ATP2C2: variants seen among roughly 807,000 people sequenced by gnomAD.
ATP2C2 encodes the protein calcium-transporting ATPase type 2C member 2.
A neutral mutation model predicts 110.8 loss-of-function variants in ATP2C2; 171 were observed. That is an observed-to-expected ratio of 1.54 (90% confidence interval 1.36 to 1.75). The LOEUF (loss-of-function observed/expected upper bound fraction) is 1.75, where lower values mean the gene tolerates loss of function less well. Ranked by LOEUF, ATP2C2 falls within the 40% of genes most tolerant of loss-of-function variation. The probability of loss-of-function intolerance (pLI) is 0.00; values close to 1 mark genes in which losing one functional copy is unlikely to be tolerated. For synonymous variants in ATP2C2, 804 were observed against 508.4 expected (o/e 1.58, Z -7.82); for missense variants, 1,963 against 1,235.0 (o/e 1.59, Z -8.84).
chr16:84,417,916 TA>T (rs1222679635), intron 7 of ATP2C2, among the ~76,000 whole-genome samples: 1 of 152,232 alleles, frequency 6.6e-6, no homozygotes, highest in Non-Finnish European at 1.5e-5. Context: ...GTGTACATTT[TA>T]AAACCATTTT....
intron 2 of ATP2C2, 35 bp from the exon 3 acceptor site, chr16:84,405,093 C>G: frequency 6.4e-7 from 1 of 1,572,072 alleles, no homozygotes; most frequent in Non-Finnish European, 8.8e-7. Context: ...CTTGCTGCGC[C>G]CATGAGTGAG....
At chr16:84,440,479 A>G (rs1023511382) in intron 13 of ATP2C2, among the ~76,000 whole-genome samples, 3 of 152,240 alleles carry the variant, frequency 2.0e-5, no homozygotes, top group African/African-American at 7.2e-5. Flanking sequence ...TTCATGCCTC[A>G]GTGTGCCGCA....
rs577088448 is a variant in ATP2C2, at chr16:84,461,227, G to C, written c.2481+426G>C. 3.1e-5 allele frequency: 8 copies of C among 259,676 alleles called. No homozygotes were observed. The East Asian group carries it at 5.9e-4, about 19-fold the overall frequency. 16.1% of individuals were successfully genotyped at this position (259,676 alleles called of 1,614,324 possible). A position where few individuals can be genotyped will look rare whatever the true frequency, so the allele number is the denominator to read the frequency against. On this transcript the variant is annotated intron_variant, in intron 24 of 26. Transcript: ENST00000262429. ...TGCAGGTTCAGGGAGCTCTATGCCA[G>C]GACGGGCCACGATCTAGGTGGGAAA...
intron 6 of ATP2C2, among the ~76,000 whole-genome samples, chr16:84,413,348 C>T (rs12102757): frequency 0.42 from 63,248 of 151,852 alleles, 14,235 homozygotes; most frequent in Non-Finnish European, 0.52. Flanking sequence ...ATTCAAGGGG[C>T]GTGTGTGTAT....
At chr16:84,429,976 C>T (rs1908122074) in intron 11 of ATP2C2, among the ~76,000 whole-genome samples, 1 of 152,124 alleles carries the variant, frequency 6.6e-6, no homozygotes, top group African/African-American at 2.4e-5. Flanking sequence ...TATCTTGCCT[C>T]TAGTCTCTGT....
intron 1 of ATP2C2, among the ~76,000 whole-genome samples, chr16:84,385,694 A>C (rs556258128): frequency 7.9e-5 from 12 of 152,216 alleles, no homozygotes; most frequent in Admixed American, 7.2e-4. Context: ...TCATGGCGGA[A>C]GGCACCTCTT....
intron 11 of ATP2C2, among the ~76,000 whole-genome samples, chr16:84,430,344 G>A (rs894882253): frequency 3.0e-4 from 46 of 152,134 alleles, no homozygotes; most frequent in African/African-American, 1.1e-3. Flanking sequence ...GGTGGACAGA[G>A]TAAAGTCAGT....
chr16:84,380,962 T>C (rs1035033062), intron 1 of ATP2C2, among the ~76,000 whole-genome samples: 2 of 152,034 alleles, frequency 1.3e-5, no homozygotes, highest in African/African-American at 4.8e-5. Flanking sequence ...GGGCGGATCA[T>C]GAGGTCAGGA....
At chr16:84,391,131 A>AAAT (rs1567690555) in intron 1 of ATP2C2, among the ~76,000 whole-genome samples, 6 of 151,290 alleles carry the variant, frequency 4.0e-5, no homozygotes, top group African/African-American at 1.5e-4. Context: ...AAAAAAAAAA[A>AAAT]AAAGAAGAAG....
chr16:84,410,458 T>C, intron 4 of ATP2C2, 110 bp from the exon 5 acceptor site: 1 of 1,284,886 alleles, frequency 7.8e-7, no homozygotes, highest in South Asian at 1.2e-5. Flanking sequence ...GCACATGTTT[T>C]GCAAGAAGAA....
intron 1 of ATP2C2, among the ~76,000 whole-genome samples, chr16:84,369,004 G>C (rs1909796887): frequency 6.6e-6 from 1 of 152,206 alleles, no homozygotes; most frequent in Admixed American, 6.5e-5. Flanking sequence ...GACCTGGCTG[G>C]GAACTTAACC....
chr16:84,445,701 C>CA (rs1196911616), intron 15 of ATP2C2, among the ~76,000 whole-genome samples: 1 of 152,198 alleles, frequency 6.6e-6, no homozygotes, highest in African/African-American at 2.4e-5. Context: ...CTAATCACCC[C>CA]ACTCCCTCCC....
At chr16:84,390,291 C>T (rs1046142507) in intron 1 of ATP2C2, among the ~76,000 whole-genome samples, 1 of 152,220 alleles carries the variant, frequency 6.6e-6, no homozygotes, top group Non-Finnish European at 1.5e-5. Context: ...GCCGCTGGCT[C>T]CCTTGCTCTG....
At chr16:84,434,298 C>A (rs916340277) in intron 11 of ATP2C2, among the ~76,000 whole-genome samples, 2 of 151,306 alleles carry the variant, frequency 1.3e-5, no homozygotes, top group Non-Finnish European at 2.9e-5. Flanking sequence ...CGCCTGTAGT[C>A]CCAGCTACTC....
chr16:84,463,206 CAT>C (rs1567471059), intron 26 of ATP2C2, among the ~76,000 whole-genome samples: 1 of 17,108 alleles, frequency 5.8e-5, no homozygotes, highest in African/African-American at 2.1e-4. Flanking sequence ...TCCCAGGGAA[CAT>C]GTCGCTGGGA....
Position 84,371,398 on chromosome 16 carries a change from A to G in ATP2C2, c.99+2684A>G, listed in dbSNP as rs975612670. 5.3e-5 allele frequency among the ~76,000 whole-genome samples: 8 copies of G among 152,250 alleles called. No individual in the cohort carries two copies. The East Asian group carries it at 5.8e-4, about 11-fold the overall frequency. On this transcript the variant is annotated intron_variant, in intron 1 of 26. Coordinates refer to ENST00000262429, the MANE Select transcript of ATP2C2 (RefSeq NM_014861.4). ...TGTGCACCTGTGGTCCTAGCTACTC[A>G]CCAAGCTGAAGCAGGAGGATTGCTT...
chr16:84,433,956 C>T (rs755950352), intron 11 of ATP2C2, among the ~76,000 whole-genome samples: 3 of 152,134 alleles, frequency 2.0e-5, no homozygotes, highest in Non-Finnish European at 2.9e-5. Context: ...CACTTTCCCC[C>T]TCTCATTTGT....
In ATP2C2 at chr16:84,462,128, T is replaced by C; in HGVS notation, c.2721T>C (p.Leu907=). Residue 907 remains leucine, a splice_region_variant and synonymous_variant, in exon 26 of 27, where the codon CTT becomes CTC. Coordinates refer to ENST00000262429, the MANE Select transcript of ATP2C2 (RefSeq NM_014861.4). ...RVFQTENLGA[L]DLLFLTGLAS... ...TCCAGACGGAGAACCTGGGAGCGCT[T>C]GGTGAGTGGTGGGGACGGGAACGAC... The C allele has an allele frequency of 6.2e-7, 1 of 1,612,366 alleles. No individual in the cohort carries two copies.
At chr16:84,442,022 C>G (rs1402362874) in intron 14 of ATP2C2, among the ~76,000 whole-genome samples, 1 of 152,130 alleles carries the variant, frequency 6.6e-6, no homozygotes, top group African/African-American at 2.4e-5. Flanking sequence ...TCCAGGCTCA[C>G]CAGGCCGGGA....
Sources: allele counts gnomAD v4.1 joint callset (sites outside exome capture counted in the v4.1 genomes callset), GRCh38; gene constraint gnomAD v4.1.1; transcripts MANE v1.5; gene names NCBI Gene and HGNC (gene_info 2026-07-23, HGNC 2026-07-21).